Variants in PARVA observed in about 807,000 individuals in gnomAD.
The protein encoded by PARVA is alpha-parvin.
PARVA carries 25 observed loss-of-function variants against 52.6 expected under a neutral mutation model. That is an observed-to-expected ratio of 0.48 (90% CI 0.35 to 0.66). The LOEUF (loss-of-function observed/expected upper bound fraction) is 0.66, where lower values mean the gene tolerates loss of function less well. PARVA is among the 30% of genes least tolerant of loss of function. The pLI is 0.01. For missense variants in PARVA, 373 were observed against 450.9 expected, an observed-to-expected ratio of 0.83 and a Z score of 1.56; for synonymous variants, 185 against 179.1, an observed-to-expected ratio of 1.03 and a Z score of -0.26.
chr11:12,475,155 C>T (rs1240030389), intron 3 of PARVA, among the ~76,000 whole-genome samples: 1 of 152,174 alleles, frequency 6.6e-6, no homozygotes, highest in South Asian at 2.1e-4. Flanking sequence ...CACAAGGATG[C>T]CAGAACTGCT....
intron 1 of PARVA, among the ~76,000 whole-genome samples, chr11:12,394,556 G>A (rs1371713908): frequency 6.6e-6 from 1 of 152,224 alleles, no homozygotes; most frequent in Non-Finnish European, 1.5e-5. Flanking sequence ...ATAATGCAGT[G>A]TAGGGGTCAA....
intron 5 of PARVA, 129 bp downstream of exon 5, chr11:12,496,727 C>T (rs1010040654): frequency 8.4e-6 from 7 of 829,492 alleles, no homozygotes; most frequent in Non-Finnish European, 1.3e-5. Flanking sequence ...TATCTTTGAA[C>T]AAGTTGCCCC....
At chr11:12,521,779 T>C (rs1941639657) in intron 12 of PARVA, among the ~76,000 whole-genome samples, 1 of 152,206 alleles carries the variant, frequency 6.6e-6, no homozygotes. Context: ...CAACCATTGC[T>C]GGCTTTGGGG....
intron 1 of PARVA, among the ~76,000 whole-genome samples, chr11:12,438,038 A>T (rs1212059230): frequency 6.6e-6 from 1 of 152,098 alleles, no homozygotes; most frequent in East Asian, 1.9e-4. Flanking sequence ...AGGCGGGTGG[A>T]TCACGATGTC....
At chr11:12,399,599 C>A (rs1939797002) in intron 1 of PARVA, among the ~76,000 whole-genome samples, 1 of 152,260 alleles carries the variant, frequency 6.6e-6, no homozygotes, top group Non-Finnish European at 1.5e-5. Context: ...CTGCAGATCA[C>A]ACTCTGTGTA....
rs544299880 is a variant in PARVA, at chr11:12,473,750, G to A, written c.142G>A (p.Glu48Lys). The A allele has an allele frequency of 2.1e-5, 33 of 1,560,964 alleles. No homozygotes were observed. The highest frequency in any genetic ancestry group is 2.7e-5 in the African/African-American group (2 of 73,460). The change falls in exon 2 of 13, where the codon GAG becomes AAG. Residue 48 changes from glutamate (E) to lysine (K), a missense_variant. By Grantham distance (56) the Glu-to-Lys change is moderately conservative. Transcript: ENST00000334956. ...TGCTCTTCCTTTTCTTCCAGTGTCC[G>A]AGCTGCAGGAGGAGGGAATGAACGC... ...ARRKKAKEVS[E>K]LQEEGMNAIN...
chr11:12,443,318 C>T (rs1016092203), intron 1 of PARVA, among the ~76,000 whole-genome samples: 9 of 151,638 alleles, frequency 5.9e-5, no homozygotes, highest in African/African-American at 9.7e-5. Context: ...ACTACAAGTG[C>T]GTGCCACCAA....
rs1412536859 is a variant in PARVA, at chr11:12,528,078, G to A, written c.*153G>A. The A allele has an allele frequency of 1.5e-6, 1 of 675,500 alleles. No homozygotes were observed. Among genetic ancestry groups the A allele is most frequent in the Non-Finnish European group, 2.7e-6 (1 of 371,738 alleles). The allele number at this position is 675,500 out of a possible 1,614,324, so 41.8% of individuals were successfully genotyped here. On this transcript the variant is annotated 3_prime_UTR_variant, in exon 13 of 13. Coordinates refer to ENST00000334956, the MANE Select transcript of PARVA (RefSeq NM_018222.5). ...CCAGAGATAGTGGAAACTGAAATTA[G>A]GAAGGAAATCATCAATAACTCAGTG...
At chr11:12,377,312 G>A (rs1939405022), upstream of PARVA, 3 of 780,136 alleles carry the variant, frequency 3.8e-6, no homozygotes, top group South Asian at 8.1e-5. Flanking sequence ...CAGAGCCTGG[G>A]TAAATGAAGC....
At chr11:12,474,998 C>G (rs760668129) in intron 3 of PARVA, among the ~76,000 whole-genome samples, 3 of 152,080 alleles carry the variant, frequency 2.0e-5, no homozygotes, top group Non-Finnish European at 4.4e-5. Context: ...ATTCATTCCC[C>G]CATGCAAATC....
intron 1 of PARVA, among the ~76,000 whole-genome samples, chr11:12,389,934 C>T (rs572707690): frequency 5.9e-5 from 9 of 152,286 alleles, no homozygotes; most frequent in South Asian, 2.1e-4. Flanking sequence ...TACTCTTTTC[C>T]GTTCACTCAT....
intron 1 of PARVA, among the ~76,000 whole-genome samples, chr11:12,441,125 C>T (rs143576682): frequency 2.6e-5 from 4 of 152,168 alleles, no homozygotes; most frequent in Admixed American, 2.6e-4. Context: ...TTTCTTACAA[C>T]TAAAGAGTAA....
At chr11:12,388,269 G>C (rs560381398) in intron 1 of PARVA, among the ~76,000 whole-genome samples, 22 of 152,308 alleles carry the variant, frequency 1.4e-4, no homozygotes, top group African/African-American at 3.9e-4. Flanking sequence ...TGAATGTGTG[G>C]ATCACTATAG....
intron 12 of PARVA, among the ~76,000 whole-genome samples, 175 bp downstream of exon 12, chr11:12,518,692 C>A (rs1941601927): frequency 6.6e-6 from 1 of 152,140 alleles, no homozygotes; most frequent in South Asian, 2.1e-4. Flanking sequence ...AGCTGCACAG[C>A]CAGGGGAAGA....
intron 1 of PARVA, among the ~76,000 whole-genome samples, chr11:12,437,033 A>C (rs910461830): frequency 1.1e-4 from 17 of 152,214 alleles, no homozygotes; most frequent in Admixed American, 1.1e-3. Context: ...CCAAGGGAGA[A>C]ACTTTTACAG....
At chr11:12,488,424 T>C (rs963437795) in intron 4 of PARVA, among the ~76,000 whole-genome samples, 1 of 152,160 alleles carries the variant, frequency 6.6e-6, no homozygotes, top group African/African-American at 2.4e-5. Flanking sequence ...AAGAAGGAAG[T>C]ATAAATCTAG....
At chr11:12,493,981 C>G (rs990122430) in intron 4 of PARVA, among the ~76,000 whole-genome samples, 3 of 152,244 alleles carry the variant, frequency 2.0e-5, no homozygotes, top group African/African-American at 7.2e-5. Flanking sequence ...GACCGACTAG[C>G]TATAATAGAT....
In PARVA at chr11:12,532,956, C is replaced by T. The variant is rs186115897; in HGVS notation, c.*5031C>T. ...TGTAGGAAAACTCTGGGGAAAGCTACGTCAGCAATATGGAGTCTGGGGTTG... is the reference window on the plus strand; with the variant it reads ...TGTAGGAAAACTCTGGGGAAAGCTATGTCAGCAATATGGAGTCTGGGGTTG... On this transcript the variant is annotated 3_prime_UTR_variant, in exon 13 of 13. Transcript: ENST00000334956. Among the ~76,000 whole-genome samples the T allele has an allele frequency of 4.3e-4, 65 of 152,342 alleles. No individual in the cohort carries two copies. Among genetic ancestry groups the T allele is most frequent in the African/African-American group, 1.5e-3 (62 of 41,586 alleles).
intron 6 of PARVA, among the ~76,000 whole-genome samples, chr11:12,505,932 G>T (rs996245689): frequency 2.4e-4 from 36 of 152,246 alleles, no homozygotes; most frequent in African/African-American, 8.4e-4. Context: ...CTATACATTT[G>T]TCAAAATCCA....
Sources: allele counts gnomAD v4.1 joint callset (sites outside exome capture counted in the v4.1 genomes callset), GRCh38; gene constraint gnomAD v4.1.1; transcripts MANE v1.5; gene names NCBI Gene and HGNC (gene_info 2026-07-23, HGNC 2026-07-21).